ACTMAP: variants seen among roughly 807,000 people sequenced by gnomAD.
ACTMAP encodes the protein actin maturation protease, also known as UPF0692 protein C19orf54.
chr19:40,745,193 C>T, the ACTMAP span: 2,247 of 1,551,768 alleles, frequency 1.4e-3, 4 homozygotes, highest in Non-Finnish European at 1.8e-3. Context: ...CAGGTCACCT[C>T]GGAACCTGAA....
At chr19:40,742,728 G>A in the ACTMAP span, 4 of 1,611,608 alleles carry the variant, frequency 2.5e-6, no homozygotes, top group South Asian at 4.4e-5. Flanking sequence ...AGGGTCCTCA[G>A]TGTAGCCGAG....
chr19:40,748,982 CTCTT>C, the ACTMAP span, among the ~76,000 whole-genome samples: 3 of 145,026 alleles, frequency 2.1e-5, no homozygotes, highest in East Asian at 2.0e-4. Context: ...TGGGCATTTG[CTCTT>C]TTTTTTTTTT....
chr19:40,747,734 C>T, the ACTMAP span, among the ~76,000 whole-genome samples: 29 of 152,100 alleles, frequency 1.9e-4, no homozygotes, highest in East Asian at 5.2e-3. Context: ...GGCATGGTGG[C>T]GCACATCTGT....
At chr19:40,742,818 A>AG in the ACTMAP span, 7 of 1,526,020 alleles carry the variant, frequency 4.6e-6, no homozygotes, top group Non-Finnish European at 6.2e-6. Flanking sequence ...AGCCAGGACC[A>AG]GGTGCTGGGG....
At chr19:40,741,064 G>A in the ACTMAP span, 5 of 398,844 alleles carry the variant, frequency 1.3e-5, no homozygotes, top group East Asian at 1.8e-4. Context: ...TCCAAGCCCT[G>A]GCTGGGATGG....
chr19:40,744,465 G>A, the ACTMAP span: 6 of 1,541,404 alleles, frequency 3.9e-6, no homozygotes, highest in Non-Finnish European at 5.2e-6. Context: ...AGAATGGAAT[G>A]AGACACCCTG....
At chr19:40,747,462 C>T in the ACTMAP span, among the ~76,000 whole-genome samples, 3 of 151,906 alleles carry the variant, frequency 2.0e-5, no homozygotes, top group Non-Finnish European at 4.4e-5. Flanking sequence ...CGCTTGAACC[C>T]GGGAGGCAGA....
chr19:40,744,127 C>T, the ACTMAP span: 4 of 1,612,940 alleles, frequency 2.5e-6, no homozygotes, highest in Admixed American at 1.7e-5. Flanking sequence ...GTTGGGACCG[C>T]CCAGGCCACC....
chr19:40,747,186 C>A, the ACTMAP span, among the ~76,000 whole-genome samples: 1 of 152,060 alleles, frequency 6.6e-6, no homozygotes, highest in Non-Finnish European at 1.5e-5. Context: ...ACTCAGAGCT[C>A]CTGGTTCCTA....
At chr19:40,747,105 C>A in the ACTMAP span, among the ~76,000 whole-genome samples, 1 of 152,072 alleles carries the variant, frequency 6.6e-6, no homozygotes, top group African/African-American at 2.4e-5. Flanking sequence ...CCGTGCCCGG[C>A]CCATGCTTAT....
the ACTMAP span, among the ~76,000 whole-genome samples, chr19:40,743,708 CCTGAA>C: frequency 2.0e-5 from 3 of 152,196 alleles, no homozygotes; most frequent in African/African-American, 4.8e-5. Context: ...ACGGTCTGAT[CCTGAA>C]ATCTGTGCTC....
At chr19:40,743,885 AC>A in the ACTMAP span, 1 of 1,613,266 alleles carries the variant, frequency 6.2e-7, no homozygotes, top group Non-Finnish European at 8.5e-7. Context: ...AGGGGTGCAG[AC>A]AAAGGAGGGG....
chr19:40,744,117 G>A, the ACTMAP span: 1 of 1,613,476 alleles, frequency 6.2e-7, no homozygotes, highest in Non-Finnish European at 8.5e-7. Context: ...CGAGGTCTCT[G>A]TTGGGACCGC....
the ACTMAP span, chr19:40,742,000 T>G: frequency 2.2e-6 from 1 of 448,878 alleles, no homozygotes; most frequent in South Asian, 1.6e-5. Context: ...GACTCAATGA[T>G]CCGGGGATTT....
the ACTMAP span, chr19:40,744,828 G>T: frequency 0.015 from 19,833 of 1,285,834 alleles, 191 homozygotes; most frequent in Middle Eastern, 0.02. Context: ...CCCTTCAGGG[G>T]AGAGCCCAGG....
At chr19:40,749,408 C>G in the ACTMAP span, 7 of 1,409,240 alleles carry the variant, frequency 5.0e-6, no homozygotes, top group Non-Finnish European at 6.7e-6. Context: ...ACGGGAACCC[C>G]CCCCCCACCC....
chr19:40,749,413 C>G, the ACTMAP span: 15 of 1,430,032 alleles, frequency 1.0e-5, 1 homozygote, highest in Admixed American at 2.5e-5. Context: ...AACCCCCCCC[C>G]CACCCCAAGA....
chr19:40,749,234 AC>A, the ACTMAP span, among the ~76,000 whole-genome samples: 1 of 151,848 alleles, frequency 6.6e-6, no homozygotes, highest in Non-Finnish European at 1.5e-5. Context: ...CAGGTGATCC[AC>A]CCGCCTCGGC....
the ACTMAP span, chr19:40,741,806 A>T: frequency 2.2e-6 from 1 of 456,622 alleles, no homozygotes; most frequent in Non-Finnish European, 4.4e-6. Flanking sequence ...GGGTTGCCAG[A>T]TCTGCTAACA....
Sources: gnomAD v4.1 joint callset for allele counts (sites outside exome capture counted in the v4.1 genomes callset) on GRCh38, gnomAD v4.1.1 for gene constraint, MANE v1.5 for transcripts, NCBI Gene and HGNC (gene_info 2026-07-23, HGNC 2026-07-21) for gene names.